MYRIP: variants seen among roughly 807,000 people sequenced by gnomAD.
MYRIP encodes myosin VIIA and Rab interacting protein, also known as rab effector MyRIP.
A neutral mutation model predicts 98.0 loss-of-function variants in MYRIP; 49 were observed. The ratio of observed to expected loss-of-function variants is 0.50; its 90% confidence interval spans 0.40 to 0.63. The LOEUF is 0.63. Among genes scored for constraint, MYRIP ranks in the 30% least tolerant of loss-of-function variants. The pLI is 0.00. For synonymous variants in MYRIP, 404 were observed against 409.5 expected, an observed-to-expected ratio of 0.99 and a Z score of 0.16; for missense variants, 1,004 against 1,058.2, an observed-to-expected ratio of 0.95 and a Z score of 0.71.
intron 2 of MYRIP, among the ~76,000 whole-genome samples, chr3:39,921,432 G>C (rs142129855): frequency 9.5e-4 from 144 of 152,300 alleles, no homozygotes; most frequent in African/African-American, 3.5e-3. Flanking sequence ...AACTCACTGT[G>C]TTGCCTAAGT....
chr3:39,877,939 C>A (rs6765888), intron 1 of MYRIP, among the ~76,000 whole-genome samples: 2,752 of 152,268 alleles, frequency 0.018, 62 homozygotes, highest in African/African-American at 0.063. Flanking sequence ...CTGTGCCCTG[C>A]CCCCAGAGGT....
chr3:40,256,374 G>C (rs993335801), intron 16 of MYRIP, among the ~76,000 whole-genome samples: 1 of 151,692 alleles, frequency 6.6e-6, no homozygotes, highest in African/African-American at 2.4e-5. Context: ...AAAGCAAATA[G>C]GATACATATA....
chr3:39,836,304 A>G (rs926990373), intron 1 of MYRIP, among the ~76,000 whole-genome samples: 2 of 152,160 alleles, frequency 1.3e-5, no homozygotes, highest in South Asian at 4.1e-4. Flanking sequence ...ATGAGATGGT[A>G]TCTCATGGTA....
chr3:39,977,513 A>G (rs1481199777), intron 2 of MYRIP, among the ~76,000 whole-genome samples: 1 of 152,212 alleles, frequency 6.6e-6, no homozygotes, highest in East Asian at 1.9e-4. Flanking sequence ...AGAGCCAGGC[A>G]AAACTCACTC....
intron 2 of MYRIP, among the ~76,000 whole-genome samples, chr3:39,903,210 G>C (rs896439164): frequency 6.6e-6 from 1 of 152,172 alleles, no homozygotes; most frequent in Admixed American, 6.5e-5. Context: ...CACTGAAATT[G>C]CCAAACATTT....
chr3:40,155,178 T>A lies in MYRIP; in HGVS notation c.469+3994T>A, dbSNP rs1396530464. On this transcript the variant is annotated intron_variant, in intron 4 of 16. Transcript: ENST00000302541. ...CACAACAGTCCCCAGAGTGTGATGT[T>A]CCCCTTCCTGTGTCCATGTGTTCTC... Among the ~76,000 whole-genome samples, 4 of 135,494 alleles carry A rather than the reference T, an allele frequency of 3.0e-5. No individual in the cohort carries two copies. In the East Asian group the frequency reaches 9.7e-4, roughly 33 times the overall value. The allele number at this position is 135,494 out of a possible 152,430, so 88.9% of individuals were successfully genotyped here.
intron 3 of MYRIP, among the ~76,000 whole-genome samples, chr3:40,125,976 C>A (rs1559410974): frequency 2.0e-5 from 3 of 152,190 alleles, no homozygotes; most frequent in Non-Finnish European, 4.4e-5. Context: ...CCTCTCTTGA[C>A]TTTTCAGAAC....
Position 40,251,993 on chromosome 3 carries a change from T to C in MYRIP, c.2541T>C (p.Asp847=), listed in dbSNP as rs761215530. The part of the protein sequence containing the change: ...RTKERKGTTK[D]LMEPALESAV... ...AGGAAAGGAAAGGCACCACCAAGGA[T>C]TTGATGGTAAATGTCATCTCTGTCT... is the stretch of plus-strand genomic sequence containing the variant. The change falls in exon 16 of 17, where the codon GAT becomes GAC. Residue 847 remains aspartate, a synonymous_variant. Coordinates refer to ENST00000302541, the MANE Select transcript of MYRIP (RefSeq NM_015460.4). The C allele has an allele frequency of 1.3e-6, 2 of 1,597,754 alleles. No individual in the cohort carries two copies. Among genetic ancestry groups the C allele is most frequent in the Admixed American group, 3.3e-5 (2 of 59,962 alleles).
At position 40,211,849 on chromosome 3, in the gene MYRIP, T is replaced by G. The variant is rs115461470; in HGVS notation, c.1905+1756T>G. On this transcript the variant is annotated intron_variant, in intron 11 of 16. Coordinates refer to ENST00000302541, the MANE Select transcript of MYRIP (RefSeq NM_015460.4). ...GTCACCAATGTACGCTATTCTCCCC[T>G]GGGCAGAGTGTCAGCAGAGAAAGGA... is the stretch of plus-strand genomic sequence containing the variant. 5.2e-3 allele frequency among the ~76,000 whole-genome samples: 793 copies of G among 152,020 alleles called. 9 individuals are homozygous for G. Among genetic ancestry groups the G allele is most frequent in the African/African-American group, 0.017 (724 of 41,478 alleles).
At chr3:39,981,619 A>G (rs1173602600) in intron 2 of MYRIP, among the ~76,000 whole-genome samples, 1 of 151,898 alleles carries the variant, frequency 6.6e-6, no homozygotes, top group Non-Finnish European at 1.5e-5. Flanking sequence ...TGCTGCAGAG[A>G]CTCTCAGCTG....
Position 39,837,647 on chromosome 3 carries a change from C to T in MYRIP, c.-31+27731C>T, listed in dbSNP as rs546824759. ...TGTAGTATAGTTTGAAGTCAGATAG[C>T]ATGATGCCTCCAGCTGTGTTCTTTT... On this transcript the variant is annotated intron_variant, in intron 1 of 16. Transcript: ENST00000302541. 1.0e-3 allele frequency among the ~76,000 whole-genome samples: 158 copies of T among 152,256 alleles called. 2 individuals are homozygous for T. The Middle Eastern group carries it at 0.027, about 26-fold the overall frequency.
At chr3:40,072,099 C>A (rs1045893667) in intron 3 of MYRIP, among the ~76,000 whole-genome samples, 1 of 152,078 alleles carries the variant, frequency 6.6e-6, no homozygotes, top group Non-Finnish European at 1.5e-5. Context: ...GCTCAGGGGC[C>A]GGATGCAGAA....
At chr3:40,018,990 A>G (rs1946930269) in intron 2 of MYRIP, among the ~76,000 whole-genome samples, 1 of 152,126 alleles carries the variant, frequency 6.6e-6, no homozygotes, top group Non-Finnish European at 1.5e-5. Flanking sequence ...CTTCCTCTTC[A>G]GTTCCCTTAC....
intron 4 of MYRIP, among the ~76,000 whole-genome samples, chr3:40,156,226 C>A (rs1950234822): frequency 6.6e-6 from 1 of 151,676 alleles, no homozygotes; most frequent in African/African-American, 2.4e-5. Context: ...GCCAGTTTTC[C>A]CAGCACCATT....
chr3:40,176,027 T>G (rs11917823), intron 8 of MYRIP, among the ~76,000 whole-genome samples: 8,752 of 152,320 alleles, frequency 0.057, 650 homozygotes, highest in African/African-American at 0.18. Flanking sequence ...TGATTTCTTT[T>G]ACTCCTGGCC....
intron 3 of MYRIP, among the ~76,000 whole-genome samples, chr3:40,086,003 A>G (rs557811139): frequency 2.7e-4 from 41 of 152,290 alleles, no homozygotes; most frequent in African/African-American, 9.6e-4. Context: ...TTATAATACC[A>G]AGAGCAACCA....
At chr3:39,916,723 T>C (rs1465554023) in intron 2 of MYRIP, among the ~76,000 whole-genome samples, 1 of 152,158 alleles carries the variant, frequency 6.6e-6, no homozygotes, top group Non-Finnish European at 1.5e-5. Context: ...CTCAGCTGAT[T>C]AAATCATTTA....
chr3:39,927,373 T>A (rs1018864330), intron 2 of MYRIP, among the ~76,000 whole-genome samples: 2 of 152,012 alleles, frequency 1.3e-5, no homozygotes, highest in Non-Finnish European at 2.9e-5. Flanking sequence ...TGAATAGGAC[T>A]GATGAGAGAA....
chr3:40,237,912 G>A lies in MYRIP; in HGVS notation c.2100+3859G>A, dbSNP rs372246611. 7.9e-5 allele frequency among the ~76,000 whole-genome samples: 12 copies of A among 152,356 alleles called. No individual in the cohort carries two copies. The East Asian group carries it at 9.6e-4, about 12-fold the overall frequency. The stretch of plus-strand genomic sequence containing the variant: ...GCCCTTTTATCTTTACCTCCAAGGA[G>A]CATGTTGAAAAGAATGCAATGGCCT... On this transcript the variant is annotated intron_variant, in intron 12 of 16. Coordinates refer to ENST00000302541, the MANE Select transcript of MYRIP (RefSeq NM_015460.4).
Sources: allele counts gnomAD v4.1 joint callset (sites outside exome capture counted in the v4.1 genomes callset), GRCh38; gene constraint gnomAD v4.1.1; transcripts MANE v1.5; gene names NCBI Gene and HGNC (gene_info 2026-07-23, HGNC 2026-07-21).